The following NOD2 variants were observed in gnomAD, a reference collection of about 807,000 sequenced individuals.
NOD2 encodes the protein nucleotide-binding oligomerization domain-containing protein 2.
NOD2 carries 86 observed loss-of-function variants against 90.9 expected under a neutral mutation model. The ratio of observed to expected loss-of-function variants is 0.95; its 90% CI spans 0.79 to 1.13. The LOEUF (loss-of-function observed/expected upper bound fraction) is 1.13. Ranked by LOEUF, NOD2 falls within the 50% of genes most tolerant of loss-of-function variation. NOD2 has a pLI of 0.00. For missense variants in NOD2, 1,238 were observed against 1,283.8 expected (o/e 0.96, Z 0.55); for synonymous variants, 581 against 554.6 (o/e 1.05, Z -0.67).
In NOD2 at chr16:50,723,331, T is replaced by G. The variant is rs763457215; in HGVS notation, c.2748T>G (p.Gly916=). The change falls in exon 9 of 12, where the codon GGT becomes GGG. Residue 916 remains glycine, a synonymous_variant. Coordinates refer to ENST00000647318, the MANE Select transcript of NOD2 (RefSeq NM_001370466.1). The part of the protein sequence containing the change: ...SLVGNNIGSV[G]AQALALMLAK... ...TGGGGAACAACATTGGCAGTGTGGGTGCCCAAGCCTTGGCACTGATGCTGG... is the reference window on the plus strand; with the variant it reads ...TGGGGAACAACATTGGCAGTGTGGGGGCCCAAGCCTTGGCACTGATGCTGG... 1 of 1,613,902 alleles carries G rather than the reference T, an allele frequency of 6.2e-7. No individual in the cohort carries two copies. Among genetic ancestry groups the G allele is most frequent in the South Asian group, 1.1e-5 (1 of 91,070 alleles).
intron 6 of NOD2, 53 bp downstream of exon 6, chr16:50,717,027 A>T (rs1365941924): frequency 1.3e-6 from 2 of 1,524,652 alleles, no homozygotes; most frequent in Non-Finnish European, 1.8e-6. Context: ...CCCATTCCTG[A>T]GTCAGTCTGA....
chr16:50,714,096 C>T (rs1443077711), intron 4 of NOD2, among the ~76,000 whole-genome samples: 1 of 152,186 alleles, frequency 6.6e-6, no homozygotes, highest in Non-Finnish European at 1.5e-5. Flanking sequence ...GGGTAGTAGA[C>T]TCAGTTTTTA....
rs104895477 is a variant in NOD2, at chr16:50,711,058, G to A, written c.1066G>A (p.Glu356Lys). ...RVLLTFDGFDEFKFRFTDRER... is the reference protein window; with the variant it reads ...RVLLTFDGFDKFKFRFTDRER... ...CCTGTTAACCTTTGATGGCTTTGAC[G>A]AGTTCAAGTTCAGGTTCACGGATCG... Residue 356 changes from glutamate to lysine, a missense_variant, in exon 4 of 12, where the codon GAG (glutamate) becomes AAG (lysine). Physicochemically the swap from Glu to Lys is moderately conservative, Grantham distance 56. Around this residue, in one of 3 missense-constraint regions of NOD2, gnomAD observed 567 missense variants for 577.3 expected, o/e 0.98. Coordinates refer to ENST00000647318, the MANE Select transcript of NOD2 (RefSeq NM_001370466.1). 1.2e-6 allele frequency: 2 copies of A among 1,614,144 alleles called. No homozygotes were observed. Among genetic ancestry groups the A allele is most frequent in the Non-Finnish European group, 1.7e-6 (2 of 1,180,022 alleles).
intron 1 of NOD2, among the ~76,000 whole-genome samples, chr16:50,695,927 G>C (rs985150363): frequency 1.3e-5 from 2 of 152,194 alleles, no homozygotes; most frequent in Non-Finnish European, 2.9e-5. Context: ...CTGCTGTAAA[G>C]GGAGCAGATA....
intron 2 of NOD2, among the ~76,000 whole-genome samples, chr16:50,702,702 C>T (rs557122330): frequency 6.6e-6 from 1 of 152,286 alleles, no homozygotes; most frequent in South Asian, 2.1e-4. Flanking sequence ...GACACTGTAC[C>T]CAGTCCATTC....
At chr16:50,727,854 A>C (rs1372841734) in intron 10 of NOD2, 4 of 365,892 alleles carry the variant, frequency 1.1e-5, no homozygotes, top group Non-Finnish European at 2.2e-5. Flanking sequence ...AGAAAGCTGT[A>C]GGGGATCAGA....
At chr16:50,713,451 A>G (rs897667141) in intron 4 of NOD2, 3 of 152,208 alleles carry the variant, frequency 2.0e-5, no homozygotes, top group East Asian at 1.9e-4. Context: ...TGACATAGGG[A>G]CCATGGTCTT....
At chr16:50,725,670 A>C in intron 10 of NOD2, 98 bp downstream of exon 10, 68 of 915,194 alleles carry the variant, frequency 7.4e-5, no homozygotes, top group Non-Finnish European at 1.1e-4. Flanking sequence ...GGGCTAACTC[A>C]TGTGAGGTGG....
intron 2 of NOD2, among the ~76,000 whole-genome samples, chr16:50,706,032 G>T (rs1964172954): frequency 6.6e-6 from 1 of 152,166 alleles, no homozygotes; most frequent in African/African-American, 2.4e-5. Context: ...ATAAATGATG[G>T]CAATTGTAAA....
intron 2 of NOD2, among the ~76,000 whole-genome samples, chr16:50,707,080 A>C (rs1964229840): frequency 6.6e-6 from 1 of 152,204 alleles, no homozygotes; most frequent in Admixed American, 6.5e-5. Flanking sequence ...ATATGATTAA[A>C]GTTGATTTCA....
rs576483826 is a variant in NOD2 at position 50,716,741 on chromosome 16, A to G, written c.2465+71A>G. The G allele has an allele frequency of 2.3e-5, 35 of 1,527,684 alleles. No homozygotes were observed. The South Asian group carries it at 3.8e-4, about 17-fold the overall frequency. 94.6% of individuals were successfully genotyped at this position (1,527,684 alleles called of 1,614,324 possible). A position where few individuals can be genotyped will look rare whatever the true frequency, so the allele number is the denominator to read the frequency against. On this transcript the variant is annotated intron_variant, in intron 5 of 11. Transcript: ENST00000647318. Reference sequence around the variant, plus strand: ...CTCACCCCAGGTCGTGCAGCCTGGGAAGCTGTGAGTGATGGGCTGGGGCAG... The same window carrying G: ...CTCACCCCAGGTCGTGCAGCCTGGGGAGCTGTGAGTGATGGGCTGGGGCAG...
chr16:50,708,185 A>G (rs1054305415), intron 3 of NOD2, among the ~76,000 whole-genome samples: 1 of 152,238 alleles, frequency 6.6e-6, no homozygotes, highest in Non-Finnish European at 1.5e-5. Flanking sequence ...ATTATCTCCC[A>G]CACAGTATAC....
At chr16:50,708,035 C>G in intron 3 of NOD2, 75 bp downstream of exon 3, 1 of 1,028,960 alleles carries the variant, frequency 9.7e-7, no homozygotes. Context: ...CAGAACACAC[C>G]TCGGTTAACA....
At position 50,711,521 on chromosome 16, in the gene NOD2, C is replaced by G; in HGVS notation, c.1529C>G (p.Pro510Arg). 1 of 1,613,306 alleles carries G rather than the reference C, an allele frequency of 6.2e-7. No individual in the cohort carries two copies. The highest frequency in any genetic ancestry group is 8.5e-7 in the Non-Finnish European group (1 of 1,180,018). ...GACTCAGCTTCCCAAGGTCTGGGACCCAGTCTTCTTCGGGGCCGCCTCCCC... is the reference window on the plus strand; with the variant it reads ...GACTCAGCTTCCCAAGGTCTGGGACGCAGTCTTCTTCGGGGCCGCCTCCCC... ...PPDSASQGLG[P>R]SLLRGRLPTL... Residue 510 changes from proline to arginine, a missense_variant, in exon 4 of 12, where the codon CCC (proline) becomes CGC (arginine). Physicochemically the swap from Pro to Arg is moderately radical, Grantham distance 103. This residue lies in a region of NOD2 where 667 missense variants were observed against 688.7 expected (regional missense o/e 0.97). Transcript: ENST00000647318.
intron 9 of NOD2, among the ~76,000 whole-genome samples, chr16:50,724,269 A>C (rs923830186): frequency 2.6e-5 from 4 of 152,328 alleles, no homozygotes; most frequent in Non-Finnish European, 5.9e-5. Context: ...AGGGCTTACT[A>C]GCTCTACTCA....
intron 1 of NOD2, among the ~76,000 whole-genome samples, chr16:50,695,173 A>C: frequency 6.6e-6 from 1 of 151,410 alleles, no homozygotes; most frequent in Non-Finnish European, 1.5e-5. Context: ...GGGGTGGGGT[A>C]AGGGCAGAAG....
chr16:50,703,443 T>C (rs910745308), intron 2 of NOD2, among the ~76,000 whole-genome samples: 1 of 151,920 alleles, frequency 6.6e-6, no homozygotes, highest in Admixed American at 6.6e-5. Context: ...ATCGAGACCA[T>C]CCTGGCCAAC....
chr16:50,718,416 G>T (rs1198367095), intron 6 of NOD2, among the ~76,000 whole-genome samples: 1 of 152,238 alleles, frequency 6.6e-6, no homozygotes, highest in Non-Finnish European at 1.5e-5. Context: ...GATGGAGCTG[G>T]ATGGCACGTG....
intron 10 of NOD2, among the ~76,000 whole-genome samples, chr16:50,725,943 C>G (rs1003470224): frequency 6.6e-6 from 1 of 152,212 alleles, no homozygotes; most frequent in Non-Finnish European, 1.5e-5. Flanking sequence ...CATTTATCCA[C>G]CAACCCTCTG....
Sources: gnomAD v4.1 joint callset for allele counts (sites outside exome capture counted in the v4.1 genomes callset) on GRCh38, gnomAD v4.1.1 for gene constraint, gnomAD v4.1.1 regional missense constraint, MANE v1.5 for transcripts, NCBI Gene and HGNC (gene_info 2026-07-23, HGNC 2026-07-21) for gene names.